The following GRIK2 variants were observed in gnomAD, a reference collection of about 807,000 sequenced individuals.
GRIK2 encodes glutamate receptor ionotropic, kainate 2.
In GRIK2, 32 loss-of-function variants were observed where a neutral mutation model predicts 100.3. The ratio of observed to expected loss-of-function variants is 0.32; its 90% CI spans 0.24 to 0.43. The LOEUF (loss-of-function observed/expected upper bound fraction) is 0.43, where lower values mean the gene tolerates loss of function less well. Ranked by LOEUF, GRIK2 falls within the 20% of genes least tolerant of loss-of-function variation. The pLI is 1.00. For missense variants in GRIK2, 843 were observed against 1,114.9 expected, an observed-to-expected ratio of 0.76 and a Z score of 3.47; for synonymous variants, 417 against 389.4, an observed-to-expected ratio of 1.07 and a Z score of -0.83.
intron 7 of GRIK2, among the ~76,000 whole-genome samples, chr6:101,737,644 G>C (rs1399599770): frequency 2.6e-5 from 4 of 152,084 alleles, no homozygotes; most frequent in Non-Finnish European, 5.9e-5. Context: ...ATTTGGGTGG[G>C]GACACAGATC....
chr6:101,890,949 T>C (rs1787015568), intron 12 of GRIK2, among the ~76,000 whole-genome samples: 1 of 150,636 alleles, frequency 6.6e-6, no homozygotes, highest in African/African-American at 2.4e-5. Flanking sequence ...TAATTTTTCA[T>C]GGAGATAAAA....
At chr6:102,045,300 A>T (rs1055228212) in intron 15 of GRIK2, among the ~76,000 whole-genome samples, 2 of 152,140 alleles carry the variant, frequency 1.3e-5, no homozygotes, top group Non-Finnish European at 2.9e-5. Flanking sequence ...TAAGCAAAAA[A>T]GATTACTTCT....
At chr6:101,895,248 A>G (rs758125109) in intron 12 of GRIK2, among the ~76,000 whole-genome samples, 1 of 151,688 alleles carries the variant, frequency 6.6e-6, no homozygotes, top group Non-Finnish European at 1.5e-5. Flanking sequence ...GAATATAGGA[A>G]TTTTTTGTGC....
At chr6:101,752,451 A>G (rs9377298) in intron 7 of GRIK2, among the ~76,000 whole-genome samples, 8,639 of 152,244 alleles carry the variant, frequency 0.057, 640 homozygotes, top group East Asian at 0.35. Flanking sequence ...TGTGGTACTC[A>G]TTGCTTTCGA....
chr6:101,622,223 A>G (rs1425966732), intron 3 of GRIK2, 107 bp downstream of exon 3: 7 of 608,046 alleles, frequency 1.2e-5, no homozygotes, highest in South Asian at 5.2e-5. Context: ...TGTTAGGAAT[A>G]TTTGCATGCA....
At chr6:101,498,024 C>G (rs1380642713) in intron 2 of GRIK2, among the ~76,000 whole-genome samples, 4 of 121,140 alleles carry the variant, frequency 3.3e-5, no homozygotes, top group Non-Finnish European at 6.7e-5. Context: ...CCCCTCCCCC[C>G]ACCCCACAAC....
chr6:101,831,065 A>G (rs1782648515), intron 10 of GRIK2, among the ~76,000 whole-genome samples: 1 of 152,142 alleles, frequency 6.6e-6, no homozygotes, highest in Non-Finnish European at 1.5e-5. Flanking sequence ...CTTCAGCATC[A>G]CTTAGCATAT....
intron 7 of GRIK2, among the ~76,000 whole-genome samples, chr6:101,794,361 C>A (rs574075323): frequency 6.6e-6 from 1 of 151,876 alleles, no homozygotes; most frequent in Admixed American, 6.6e-5. Flanking sequence ...GGCTTCTCCC[C>A]GAGATGAATT....
At chr6:101,834,585 TAAATC>T (rs1782941892) in intron 10 of GRIK2, among the ~76,000 whole-genome samples, 2 of 152,164 alleles carry the variant, frequency 1.3e-5, no homozygotes, top group South Asian at 2.1e-4. Flanking sequence ...ACTCATCGCT[TAAATC>T]AAACCAGACT....
intron 8 of GRIK2, among the ~76,000 whole-genome samples, chr6:101,801,325 A>T (rs1780653342): frequency 6.6e-6 from 1 of 152,042 alleles, no homozygotes; most frequent in South Asian, 2.1e-4. Context: ...ATTCCAAACC[A>T]GTGAACACAT....
intron 12 of GRIK2, among the ~76,000 whole-genome samples, chr6:101,913,320 T>C (rs1788878443): frequency 1.3e-5 from 2 of 151,632 alleles, no homozygotes; most frequent in East Asian, 3.9e-4. Context: ...ATGATAATTA[T>C]TCATGGAAAA....
chr6:101,812,755 C>A (rs1392287937), intron 9 of GRIK2, among the ~76,000 whole-genome samples: 1 of 151,934 alleles, frequency 6.6e-6, no homozygotes, highest in Non-Finnish European at 1.5e-5. Flanking sequence ...AATAAACGAT[C>A]ATCCATTACT....
chr6:101,478,904 G>C (rs539075855), intron 2 of GRIK2, among the ~76,000 whole-genome samples: 27 of 152,010 alleles, frequency 1.8e-4, no homozygotes, highest in Non-Finnish European at 3.1e-4. Flanking sequence ...TATGTTATTT[G>C]TGGCAGCATA....
intron 7 of GRIK2, among the ~76,000 whole-genome samples, chr6:101,689,586 G>C (rs1183132924): frequency 6.6e-6 from 1 of 152,092 alleles, no homozygotes; most frequent in Non-Finnish European, 1.5e-5. Context: ...TATTAAAGAT[G>C]TTAATGTTAG....
chr6:101,516,807 T>C (rs1774608528), intron 2 of GRIK2, among the ~76,000 whole-genome samples: 1 of 152,162 alleles, frequency 6.6e-6, no homozygotes, highest in Admixed American at 6.6e-5. Context: ...CTGAATATCC[T>C]CATCTGTTTA....
intron 10 of GRIK2, among the ~76,000 whole-genome samples, chr6:101,844,101 A>G (rs1294887663): frequency 6.6e-6 from 1 of 152,210 alleles, no homozygotes; most frequent in African/African-American, 2.4e-5. Context: ...TAATCAAGAA[A>G]AAAAGAAAGT....
At chr6:101,411,776 T>C (rs963423734) in intron 2 of GRIK2, among the ~76,000 whole-genome samples, 6 of 152,070 alleles carry the variant, frequency 3.9e-5, no homozygotes, top group African/African-American at 1.4e-4. Context: ...TAAAACCTAA[T>C]CATTTAGAAT....
chr6:101,889,587 TTC>T lies in GRIK2; in HGVS notation c.1525-47_1525-46del, dbSNP rs538349607. The T allele has an allele frequency of 1.3e-3, 1,345 of 1,031,980 alleles. 5 individuals are homozygous for T. The highest frequency in any genetic ancestry group is 1.2e-3 in the Non-Finnish European group (867 of 694,222). The allele number at this position is 1,031,980 out of a possible 1,614,324, so 63.9% of individuals were successfully genotyped here. A position where few individuals can be genotyped will look rare whatever the true frequency, so the allele number is the denominator to read the frequency against. ...TTTCTTGTGACTGAAAATCAATTTTTTCTCTCTTTCTTTCTTTCTTTTTTTTT... is the reference window on the plus strand; with the variant it reads ...TTTCTTGTGACTGAAAATCAATTTTTTCTCTTTCTTTCTTTCTTTTTTTTT... On this transcript the variant is annotated intron_variant, in intron 11 of 16. Coordinates refer to ENST00000369134, the MANE Select transcript of GRIK2 (RefSeq NM_021956.5).
At chr6:101,647,261 T>G (rs529328004) in intron 4 of GRIK2, among the ~76,000 whole-genome samples, 2 of 152,046 alleles carry the variant, frequency 1.3e-5, no homozygotes, top group African/African-American at 4.8e-5. Flanking sequence ...TATTGGTAGA[T>G]GAGGAGAGAC....
Sources: gnomAD v4.1 joint callset for allele counts (sites outside exome capture counted in the v4.1 genomes callset) on GRCh38, gnomAD v4.1.1 for gene constraint, MANE v1.5 for transcripts, NCBI Gene and HGNC (gene_info 2026-07-23, HGNC 2026-07-21) for gene names.